The following B4GALT1 variants were observed in gnomAD, a reference collection of about 807,000 sequenced individuals.
B4GALT1 encodes N-acetyllactosamine synthase.
A neutral mutation model predicts 34.9 loss-of-function variants in B4GALT1; 16 were observed. The ratio of observed to expected loss-of-function variants is 0.46; its 90% CI spans 0.31 to 0.70. The LOEUF (loss-of-function observed/expected upper bound fraction) is 0.70, where lower values mean the gene tolerates loss of function less well. Among genes scored for constraint, B4GALT1 ranks in the 30% least tolerant of loss-of-function variants. B4GALT1 has a pLI of 0.05. For missense variants in B4GALT1, 445 were observed against 530.5 expected (o/e 0.84, Z 1.58); for synonymous variants, 221 against 218.1 (o/e 1.01, Z -0.12).
At chr9:33,162,123 A>G (rs1037928808) in intron 1 of B4GALT1, among the ~76,000 whole-genome samples, 1 of 152,360 alleles carries the variant, frequency 6.6e-6, no homozygotes. Context: ...ATACCCAGTG[A>G]TATCTCATTA....
chr9:33,184,287 C>CACAAAA, the B4GALT1 span, among the ~76,000 whole-genome samples: 1 of 142,678 alleles, frequency 7.0e-6, no homozygotes, highest in Non-Finnish European at 1.6e-5. Context: ...CACACACACA[C>CACAAAA]AAAAACATAG....
At chr9:33,173,591 GGTGTGTGTGTGTGTGTGT>G in the B4GALT1 span, among the ~76,000 whole-genome samples, 2 of 143,062 alleles carry the variant, frequency 1.4e-5, no homozygotes, top group Non-Finnish European at 3.0e-5. Flanking sequence ...AAATAAGAAT[GGTGTGTGTGTGTGTGTGT>G]GTGTGTGTGT....
the B4GALT1 span, among the ~76,000 whole-genome samples, chr9:33,174,844 C>T: frequency 2.0e-3 from 301 of 147,664 alleles, 2 homozygotes; most frequent in Middle Eastern, 0.021. Flanking sequence ...GTAATCCCAG[C>T]TACTTGGGAA....
the B4GALT1 span, among the ~76,000 whole-genome samples, chr9:33,184,463 G>A: frequency 6.6e-6 from 1 of 152,160 alleles, no homozygotes; most frequent in African/African-American, 2.4e-5. Context: ...TCTGTCGCCT[G>A]CAAGACAAAG....
At chr9:33,148,035 TA>T (rs564238690) in intron 1 of B4GALT1, among the ~76,000 whole-genome samples, 1,794 of 149,302 alleles carry the variant, frequency 0.012, 28 homozygotes, top group African/African-American at 0.04. Flanking sequence ...CCCCAACTCT[TA>T]AAAAAAAAAT....
chr9:33,132,997 G>A (rs1419111971), intron 2 of B4GALT1, among the ~76,000 whole-genome samples: 2 of 152,070 alleles, frequency 1.3e-5, no homozygotes, highest in African/African-American at 4.8e-5. Context: ...CTGCCTCCTG[G>A]GTTCAAGAGA....
At chr9:33,109,962 A>T (rs560797800), downstream of B4GALT1, among the ~76,000 whole-genome samples, 26 of 152,368 alleles carry the variant, frequency 1.7e-4, no homozygotes, top group Admixed American at 1.6e-3. Context: ...CCAAAGGACC[A>T]GAGTTGTCCT....
intron 2 of B4GALT1, among the ~76,000 whole-genome samples, chr9:33,132,930 TCTCA>T (rs1840215029): frequency 6.6e-6 from 1 of 152,118 alleles, no homozygotes; most frequent in Non-Finnish European, 1.5e-5. Context: ...TGAGACAGAG[TCTCA>T]CTCTGTTGCC....
intron 2 of B4GALT1, among the ~76,000 whole-genome samples, chr9:33,129,885 G>T (rs1226896576): frequency 1.3e-5 from 2 of 152,218 alleles, no homozygotes; most frequent in African/African-American, 4.8e-5. Flanking sequence ...GGAGTCCAGT[G>T]AAGTGGAGAG....
chr9:33,176,852 A>G, the B4GALT1 span, among the ~76,000 whole-genome samples: 1 of 151,868 alleles, frequency 6.6e-6, no homozygotes, highest in Admixed American at 6.6e-5. Context: ...TTTTTTTTAA[A>G]TTGCTACCCA....
intron 2 of B4GALT1, among the ~76,000 whole-genome samples, chr9:33,133,029 A>G (rs1044532164): frequency 1.3e-5 from 2 of 151,968 alleles, no homozygotes; most frequent in Non-Finnish European, 2.9e-5. Flanking sequence ...CAGCCTCCCG[A>G]GTAGCTGGGA....
the B4GALT1 span, among the ~76,000 whole-genome samples, chr9:33,178,007 T>TTGG: frequency 6.7e-6 from 1 of 150,148 alleles, no homozygotes; most frequent in East Asian, 1.9e-4. Flanking sequence ...TTTTTTTTTT[T>TTGG]GAGACAGGGT....
chr9:33,175,792 A>T, the B4GALT1 span, among the ~76,000 whole-genome samples: 3 of 152,332 alleles, frequency 2.0e-5, no homozygotes, highest in East Asian at 3.9e-4. Flanking sequence ...TACCATCTGG[A>T]TTTAGACTCA....
Position 33,166,877 on chromosome 9 carries a change from C to A in B4GALT1, c.293G>T (p.Gly98Val), listed in dbSNP as rs1840764986. 1 of 1,577,692 alleles carries A rather than the reference C, an allele frequency of 6.3e-7. No individual in the cohort carries two copies. The change falls in exon 1 of 6, where the codon GGC becomes GTC. Residue 98 changes from glycine (G) to valine (V), a missense_variant. By Grantham distance (109) the Gly-to-Val change is moderately radical. Coordinates refer to ENST00000379731, the MANE Select transcript of B4GALT1 (RefSeq NM_001497.4). ...AGAATCCACGACTGGGCTGGAGTCG[C>A]CACCCGGGCGCGGCTGGGAGGAGGC... ...LGASSQPRPG[G>V]DSSPVVDSGP... is the part of the protein sequence containing the mutation.
chr9:33,158,786 C>T (rs901337927), intron 1 of B4GALT1, among the ~76,000 whole-genome samples: 3 of 152,232 alleles, frequency 2.0e-5, no homozygotes, highest in African/African-American at 7.2e-5. Flanking sequence ...CACCATATTG[C>T]CAGAGTCTAT....
chr9:33,126,268 C>T (rs1218492939), intron 2 of B4GALT1, among the ~76,000 whole-genome samples: 1 of 152,088 alleles, frequency 6.6e-6, no homozygotes, highest in African/African-American at 2.4e-5. Context: ...GAAGCTCTGA[C>T]GGGGCATTCC....
chr9:33,184,253 TAC>T, the B4GALT1 span, among the ~76,000 whole-genome samples: 57,328 of 147,024 alleles, frequency 0.39, 12,315 homozygotes, highest in Admixed American at 0.52. Context: ...GTCACTCTTG[TAC>T]ACACACACAC....
chr9:33,156,190 G>C (rs1214360562), intron 1 of B4GALT1, among the ~76,000 whole-genome samples: 1 of 151,960 alleles, frequency 6.6e-6, no homozygotes, highest in African/African-American at 2.4e-5. Flanking sequence ...CTGGAGTGCA[G>C]TGGCCTGATG....
chr9:33,142,511 G>C (rs1270704891), intron 1 of B4GALT1, among the ~76,000 whole-genome samples: 1 of 152,064 alleles, frequency 6.6e-6, no homozygotes, highest in East Asian at 1.9e-4. Context: ...GATATGTCTT[G>C]GGTACACCAC....
Sources: allele counts gnomAD v4.1 joint callset (sites outside exome capture counted in the v4.1 genomes callset), GRCh38; gene constraint gnomAD v4.1.1; transcripts MANE v1.5; gene names NCBI Gene and HGNC (gene_info 2026-07-23, HGNC 2026-07-21).